Variants in FHAD1 observed in about 807,000 individuals in gnomAD.
The protein encoded by FHAD1 is forkhead-associated domain-containing protein 1.
FHAD1 carries 146 observed loss-of-function variants against 191.3 expected under a neutral mutation model. That is an observed-to-expected ratio of 0.76 (90% CI 0.67 to 0.88). The LOEUF is 0.88. Ranked by LOEUF, FHAD1 falls within the 40% of genes least tolerant of loss-of-function variation. The pLI is 0.00. For synonymous variants in FHAD1, 616 were observed against 672.3 expected (o/e 0.92, Z 1.29); for missense variants, 1,635 against 1,785.8 (o/e 0.92, Z 1.52).
At chr1:15,356,733 G>A (rs563482003) in intron 20 of FHAD1, among the ~76,000 whole-genome samples, 86 of 152,154 alleles carry the variant, frequency 5.7e-4, no homozygotes, top group Admixed American at 1.8e-3. Flanking sequence ...TTAGCCGGGC[G>A]TGGTGGTGGG....
chr1:15,282,541 C>T (rs562099532), intron 3 of FHAD1, among the ~76,000 whole-genome samples: 11 of 152,170 alleles, frequency 7.2e-5, no homozygotes, highest in Admixed American at 3.3e-4. Context: ...GTGAGTAAGA[C>T]GAAAGTGAAA....
intron 10 of FHAD1, among the ~76,000 whole-genome samples, chr1:15,322,664 C>G (rs1676696474): frequency 1.3e-5 from 2 of 152,238 alleles, no homozygotes; most frequent in Admixed American, 1.3e-4. Context: ...CCCTATTTGA[C>G]AGTATGGAGT....
At chr1:15,372,571 A>C (rs1570386912) in intron 26 of FHAD1, among the ~76,000 whole-genome samples, 1 of 152,300 alleles carries the variant, frequency 6.6e-6, no homozygotes, top group South Asian at 2.1e-4. Context: ...AGTGCCTAGA[A>C]CAGTGTCCGG....
At chr1:15,321,998 G>A (rs997931903) in intron 10 of FHAD1, among the ~76,000 whole-genome samples, 1 of 152,240 alleles carries the variant, frequency 6.6e-6, no homozygotes, top group African/African-American at 2.4e-5. Flanking sequence ...CTATTTAGAA[G>A]TAACCTATAA....
At chr1:15,372,347 TGTGTCATACA>T (rs1698351117) in intron 26 of FHAD1, among the ~76,000 whole-genome samples, 2 of 152,182 alleles carry the variant, frequency 1.3e-5, no homozygotes, top group South Asian at 4.1e-4. Context: ...GGGCCGGGGA[TGTGTCATACA>T]GGCCTCTGAT....
At chr1:15,398,673 C>T (rs372799473), downstream of FHAD1, among the ~76,000 whole-genome samples, 7 of 151,986 alleles carry the variant, frequency 4.6e-5, no homozygotes, top group African/African-American at 9.7e-5. Flanking sequence ...TCCTGTTCCA[C>T]GGTGTTTGGA....
At chr1:15,353,775 C>T (rs1486686697) in intron 20 of FHAD1, among the ~76,000 whole-genome samples, 2 of 148,488 alleles carry the variant, frequency 1.3e-5, no homozygotes, top group African/African-American at 5.0e-5. Context: ...ATACCTGGAT[C>T]TCTGATCAGG....
chr1:15,295,577 T>C (rs1666651645), intron 4 of FHAD1, among the ~76,000 whole-genome samples: 1 of 152,136 alleles, frequency 6.6e-6, no homozygotes, highest in South Asian at 2.1e-4. Flanking sequence ...TACTGCACTC[T>C]AGCCTGGGTG....
intron 2 of FHAD1, 31 bp downstream of exon 2, chr1:15,251,908 C>G (rs766691442): frequency 1.2e-4 from 187 of 1,519,954 alleles, no homozygotes; most frequent in Non-Finnish European, 1.4e-4. Flanking sequence ...TTCCCGTCCC[C>G]TCCCTGACCC....
At position 15,363,619 on chromosome 1, in the gene FHAD1, A is replaced by T. The variant is rs1005028763; in HGVS notation, c.3047+893A>T. On this transcript the variant is annotated intron_variant, in intron 23 of 33. Transcript: ENST00000688493. ...CCCACTCACAGGTGTTATTAAGCAG[A>T]CAGAGATTTCAAACAGTGGAGACCA... is the stretch of plus-strand genomic sequence containing the variant. 1.1e-5 allele frequency: 4 copies of T among 369,878 alleles called. No homozygotes were observed. In the East Asian group the frequency reaches 3.0e-4, roughly 28 times the overall value. The allele number at this position is 369,878 out of a possible 1,614,324, so 22.9% of individuals were successfully genotyped here.
intron 2 of FHAD1, among the ~76,000 whole-genome samples, chr1:15,267,872 A>T (rs1654211340): frequency 6.8e-6 from 1 of 147,626 alleles, no homozygotes; most frequent in Non-Finnish European, 1.5e-5. Flanking sequence ...TTATAAATAT[A>T]ATATAAATAT....
rs1230458118 is a variant in FHAD1, at chr1:15,239,537, G to A, written c.-15+2776G>A. ...TGGGAGGCGGAGGTCACAGTGAGCC[G>A]AGACTGTGCCACTGCACTTCAGCCT... On this transcript the variant is annotated intron_variant, in intron 1 of 33. Transcript: ENST00000683790. Among the ~76,000 whole-genome samples, 6 of 152,258 alleles carry A rather than the reference G, an allele frequency of 3.9e-5. No individual in the cohort carries two copies. In the East Asian group the frequency reaches 5.8e-4, roughly 15 times the overall value.
intron 33 of FHAD1, among the ~76,000 whole-genome samples, chr1:15,394,629 C>T (rs1705309602): frequency 6.6e-6 from 1 of 152,144 alleles, no homozygotes; most frequent in Admixed American, 6.5e-5. Context: ...GTGAAAAGAG[C>T]TTAAGTGATG....
chr1:15,244,454 G>A (rs1199873800), upstream of FHAD1, among the ~76,000 whole-genome samples: 1 of 152,168 alleles, frequency 6.6e-6, no homozygotes, highest in Admixed American at 6.5e-5. This position sits in a 1 kb window ranked among gnomAD's most constrained non-coding sequence, Gnocchi z 5.1. Context: ...CTGATAGCAA[G>A]TTTGTGTCCT....
chr1:15,305,399 G>C (rs535099720), intron 6 of FHAD1, among the ~76,000 whole-genome samples: 7 of 152,148 alleles, frequency 4.6e-5, no homozygotes, highest in African/African-American at 1.4e-4. Flanking sequence ...GTTAATGCTG[G>C]TTCCTAGAGC....
chr1:15,365,784 G>C, intron 23 of FHAD1, 43 bp from the exon 24 acceptor site: 1 of 1,258,688 alleles, frequency 7.9e-7, no homozygotes, highest in South Asian at 1.3e-5. Context: ...AGATAACATG[G>C]AGTTTGAGTT....
At chr1:15,310,948 C>T (rs1041613653) in intron 7 of FHAD1, among the ~76,000 whole-genome samples, 3 of 152,166 alleles carry the variant, frequency 2.0e-5, no homozygotes, top group Non-Finnish European at 4.4e-5. Flanking sequence ...GATTTCCTCA[C>T]CTGCCTGAAA....
At chr1:15,331,534 G>C (rs2101899931) in intron 14 of FHAD1, among the ~76,000 whole-genome samples, 1 of 144,186 alleles carries the variant, frequency 6.9e-6, no homozygotes, top group East Asian at 2.1e-4. Flanking sequence ...ATGGATGAAA[G>C]GATGGATGGA....
chr1:15,388,664 C>CA (rs985314967), intron 32 of FHAD1, among the ~76,000 whole-genome samples: 4 of 152,050 alleles, frequency 2.6e-5, no homozygotes, highest in Non-Finnish European at 5.9e-5. Context: ...CTACCCCCGC[C>CA]AAGGGGAGCC....
Sources: gnomAD v4.1 joint callset for allele counts (sites outside exome capture counted in the v4.1 genomes callset) on GRCh38, gnomAD v4.1.1 for gene constraint, Gnocchi (gnomAD v3.1) non-coding constraint, MANE v1.5 for transcripts, NCBI Gene and HGNC (gene_info 2026-07-23, HGNC 2026-07-21) for gene names.